PRSS12: variants seen among roughly 807,000 people sequenced by gnomAD.
PRSS12 encodes serine protease 12.
PRSS12 carries 85 observed loss-of-function variants against 104.4 expected under a neutral mutation model. The observed-to-expected ratio is 0.81, with a 90% CI of 0.68 to 0.98. PRSS12 has a LOEUF of 0.98. Ranked by LOEUF, PRSS12 falls within the 50% of genes least tolerant of loss-of-function variation. The pLI, the probability that PRSS12 is intolerant of heterozygous loss-of-function variation, is 0.00. For missense variants in PRSS12, 1,141 were observed against 1,139.2 expected (o/e 1.00, Z -0.02); for synonymous variants, 454 against 425.2 (o/e 1.07, Z -0.83).
chr4:118,320,592 A>AACAT (rs1193496267), intron 4 of PRSS12, among the ~76,000 whole-genome samples: 1 of 152,044 alleles, frequency 6.6e-6, no homozygotes, highest in African/African-American at 2.4e-5. Context: ...TCTGTACAAA[A>AACAT]ACATACAAAA....
At chr4:118,282,734 C>T in intron 12 of PRSS12, 97 bp downstream of exon 12, 1 of 1,542,350 alleles carries the variant, frequency 6.5e-7, no homozygotes, top group East Asian at 2.2e-5. Flanking sequence ...CCAAATAAGT[C>T]TGAATCCATT....
At chr4:118,319,514 C>G (rs1411096903) in intron 4 of PRSS12, among the ~76,000 whole-genome samples, 4 of 152,172 alleles carry the variant, frequency 2.6e-5, no homozygotes, top group Non-Finnish European at 4.4e-5. Context: ...GAAATGCAAA[C>G]AAGAGAGATT....
chr4:118,291,242 A>C (rs986517227), intron 11 of PRSS12, among the ~76,000 whole-genome samples: 1 of 152,156 alleles, frequency 6.6e-6, no homozygotes, highest in Non-Finnish European at 1.5e-5. Context: ...CTCTAAGTTC[A>C]CTAACAAATC....
Position 118,280,053 on chromosome 4 carries a change from T to C in PRSS12, c.*1883A>G, listed in dbSNP as rs1204830707. On this transcript the variant is annotated 3_prime_UTR_variant, in exon 13 of 13. Transcript: ENST00000296498. ...AAGGCAGTTATACAAGGTGGAAAAT[T>C]ATGTATTTATTTACACAAATATGCA... 6.6e-6 allele frequency: 1 copy of C among 152,236 alleles called. No homozygotes were observed. 9.4% of individuals were successfully genotyped at this position (152,236 alleles called of 1,614,324 possible).
At chr4:118,294,432 G>A (rs1743207812) in intron 11 of PRSS12, among the ~76,000 whole-genome samples, 1 of 152,132 alleles carries the variant, frequency 6.6e-6, no homozygotes, top group Non-Finnish European at 1.5e-5. Context: ...CTCTGAACTG[G>A]GAAGACTTCA....
intron 4 of PRSS12, among the ~76,000 whole-genome samples, chr4:118,320,506 C>G (rs1723585284): frequency 6.6e-6 from 1 of 152,180 alleles, no homozygotes; most frequent in Admixed American, 6.5e-5. Flanking sequence ...AATCCCAGCA[C>G]TTTGGGAAGC....
chr4:118,302,886 AAAT>A (rs1207562593), intron 8 of PRSS12, among the ~76,000 whole-genome samples: 1 of 152,230 alleles, frequency 6.6e-6, no homozygotes, highest in Non-Finnish European at 1.5e-5. Context: ...TTAAAAATAA[AAAT>A]AATTGCTGAT....
intron 4 of PRSS12, among the ~76,000 whole-genome samples, chr4:118,329,647 T>C (rs1206178233): frequency 5.9e-5 from 9 of 152,224 alleles, no homozygotes; most frequent in Non-Finnish European, 1.3e-4. Context: ...ACAATAAAGA[T>C]GTTTAACAAC....
chr4:118,295,008 C>A lies in PRSS12; in HGVS notation c.1970G>T (p.Gly657Val). 1.9e-6 allele frequency: 3 copies of A among 1,614,122 alleles called. No homozygotes were observed. Among genetic ancestry groups the A allele is most frequent in the Non-Finnish European group, 2.5e-6 (3 of 1,180,020 alleles). The part of the protein sequence containing the change: ...SLRLKSSHGD[G>V]RLLCGATLLS... The stretch of plus-strand genomic sequence containing the variant: ...GAGCGTAGCCCCGCAGAGGAGCCTG[C>A]CATCTCCATGGGATGACTTCAGCCG... Residue 657 changes from glycine to valine, a missense_variant, in exon 11 of 13, where the codon GGC becomes GTC. Physicochemically the swap from Gly to Val is moderately radical, Grantham distance 109 (BLOSUM62 -3). Transcript: ENST00000296498.
intron 3 of PRSS12, among the ~76,000 whole-genome samples, chr4:118,333,263 AGTT>A (rs1304211491): frequency 6.6e-6 from 1 of 152,250 alleles, no homozygotes; most frequent in Non-Finnish European, 1.5e-5. Flanking sequence ...TATGAAGTCT[AGTT>A]GTACTTTTTG....
rs995979815 is a variant in PRSS12 at position 118,316,332 on chromosome 4, A to C, written c.1151-9T>G. 1 of 1,614,006 alleles carries C rather than the reference A, an allele frequency of 6.2e-7. No individual in the cohort carries two copies. The highest frequency in any genetic ancestry group is 1.1e-5 in the South Asian group (1 of 91,080). On this transcript the variant is annotated splice_polypyrimidine_tract_variant and intron_variant, in intron 5 of 12. Coordinates refer to ENST00000296498, the MANE Select transcript of PRSS12 (RefSeq NM_003619.4). ...AAGTCTGATGACCCCATCTGTGATAAAGAGGAGACACAGAGACTAAGCAAA... is the reference window on the plus strand; with the variant it reads ...AAGTCTGATGACCCCATCTGTGATACAGAGGAGACACAGAGACTAAGCAAA...
At chr4:118,346,524 A>T (rs553001437) in intron 1 of PRSS12, among the ~76,000 whole-genome samples, 1 of 151,734 alleles carries the variant, frequency 6.6e-6, no homozygotes, top group African/African-American at 2.4e-5. Context: ...CATCAAATGC[A>T]GGTACCTGTG....
chr4:118,282,026 C>T lies in PRSS12; in HGVS notation c.2538G>A (p.Trp846Ter). ...ESWVVYGVTS[W>*]GYGCGVKDSP... ...AATCCTTGACTCCACAGCCATACCC[C>T]CAGGAGGTCACCCCATACACCACCC... The change falls in exon 13 of 13, where the codon TGG becomes TGA. Residue 846 changes from tryptophan to a stop codon, truncating the protein, a stop_gained. Coordinates refer to ENST00000296498, the MANE Select transcript of PRSS12 (RefSeq NM_003619.4). LOFTEE classifies it high-confidence loss of function. 1 of 1,613,132 alleles carries T rather than the reference C, an allele frequency of 6.2e-7. No homozygotes were observed. The highest frequency in any genetic ancestry group is 8.5e-7 in the Non-Finnish European group (1 of 1,179,102).
chr4:118,320,695 A>G (rs1279449552), intron 4 of PRSS12, among the ~76,000 whole-genome samples: 4 of 152,216 alleles, frequency 2.6e-5, no homozygotes, highest in Admixed American at 6.5e-5. Flanking sequence ...CAAGGCTGCA[A>G]TGACCCGTGA....
chr4:118,313,268 G>A lies in PRSS12; in HGVS notation c.1422C>T (p.Asp474=). The A allele has an allele frequency of 6.2e-7, 1 of 1,614,118 alleles. No individual in the cohort carries two copies. The highest frequency in any genetic ancestry group is 1.1e-5 in the South Asian group (1 of 91,086). Residue 474 remains aspartate, a synonymous_variant, in exon 7 of 13, where the codon GAC becomes GAT. Coordinates refer to ENST00000296498, the MANE Select transcript of PRSS12 (RefSeq NM_003619.4). ...TGCTAACATCTTCGCGGTGGCTGCA[G>A]TCATGCCTTCCCCACTGTCGCCTGG... is the stretch of plus-strand genomic sequence containing the variant. ...QCSRRQWGRH[D]CSHREDVSIA...
chr4:118,287,682 A>T (rs1179284605), intron 11 of PRSS12, among the ~76,000 whole-genome samples: 1 of 152,186 alleles, frequency 6.6e-6, no homozygotes, highest in South Asian at 2.1e-4. Flanking sequence ...GAAGTACTCA[A>T]TATGTGTGTG....
chr4:118,347,494 T>A (rs1724387077), intron 1 of PRSS12, among the ~76,000 whole-genome samples: 1 of 152,192 alleles, frequency 6.6e-6, no homozygotes, highest in Admixed American at 6.5e-5. Flanking sequence ...ATCTCAATGA[T>A]TAAAACTTTC....
At chr4:118,337,325 G>GA (rs1290894932) in intron 2 of PRSS12, among the ~76,000 whole-genome samples, 2 of 151,824 alleles carry the variant, frequency 1.3e-5, no homozygotes, top group Admixed American at 6.6e-5. Context: ...TAAAGGCCAA[G>GA]AAAAAACATA....
intron 11 of PRSS12, 48 bp downstream of exon 11, chr4:118,294,891 C>T: frequency 6.2e-7 from 1 of 1,611,658 alleles, no homozygotes; most frequent in South Asian, 1.1e-5. Flanking sequence ...ATTGGAAGAA[C>T]TGATGAATAG....
Sources: gnomAD v4.1 joint callset for allele counts (sites outside exome capture counted in the v4.1 genomes callset) on GRCh38, gnomAD v4.1.1 for gene constraint, MANE v1.5 for transcripts, NCBI Gene and HGNC (gene_info 2026-07-23, HGNC 2026-07-21) for gene names.